Variants in DIO1 observed in about 807,000 individuals in gnomAD.
DIO1 encodes type I iodothyronine deiodinase.
DIO1 carries 17 observed loss-of-function variants against 25.9 expected under a neutral mutation model. That is an observed-to-expected ratio of 0.66 (90% CI 0.45 to 0.98). DIO1 has a LOEUF of 0.98. DIO1 is among the 50% of genes least tolerant of loss of function. DIO1 has a pLI of 0.00. For missense variants in DIO1, 270 were observed against 310.4 expected (o/e 0.87, Z 0.98); for synonymous variants, 115 against 114.0 (o/e 1.01, Z -0.05).
Position 53,905,183 on chromosome 1 carries a change from T to C in DIO1, c.481+374T>C, listed in dbSNP as rs112123535. Among the ~76,000 whole-genome samples the C allele has an allele frequency of 2.5e-3, 380 of 149,214 alleles. 2 individuals carry two copies. Among genetic ancestry groups the C allele is most frequent in the Middle Eastern group, 0.01 (3 of 292 alleles). ...TATGGCTATTTTTTTTTTTTTTTTT[T>C]TTTGAGATAGGGTCTTGTTCTGTCG... On this transcript the variant is annotated intron_variant, in intron 2 of 3. Coordinates refer to ENST00000361921, the MANE Select transcript of DIO1 (RefSeq NM_000792.7).
chr1:53,896,262 C>T (rs11206239), intron 1 of DIO1, among the ~76,000 whole-genome samples: 3,575 of 140,598 alleles, frequency 0.025, 157 homozygotes, highest in African/African-American at 0.092. Flanking sequence ...CTACTGCCCA[C>T]GCTGGAGTGT....
intron 3 of DIO1, among the ~76,000 whole-genome samples, chr1:53,908,217 G>A (rs142622199): frequency 0.019 from 2,897 of 149,292 alleles, 71 homozygotes; most frequent in African/African-American, 0.065. Context: ...GCGAGACTCC[G>A]TCTCAAAAAA....
Position 53,901,823 on chromosome 1 carries a change from C to T in DIO1, c.338-2843C>T, listed in dbSNP as rs373491220. Reference sequence around the variant, plus strand: ...ATCACTTGAGCCCAGAAGTTCAAGGCTGTAGTGTATTATGATGGCACCTGT... The same window carrying T: ...ATCACTTGAGCCCAGAAGTTCAAGGTTGTAGTGTATTATGATGGCACCTGT... On this transcript the variant is annotated intron_variant, in intron 1 of 3. Transcript: ENST00000361921. Among the ~76,000 whole-genome samples, 76 of 151,202 alleles carry T rather than the reference C, an allele frequency of 5.0e-4. 3 individuals carry two copies. The South Asian group carries it at 0.016, about 31-fold the overall frequency.
intron 1 of DIO1, among the ~76,000 whole-genome samples, chr1:53,900,437 C>T (rs551410288): frequency 6.6e-6 from 1 of 152,070 alleles, no homozygotes; most frequent in Non-Finnish European, 1.5e-5. Context: ...AACCCTGTCT[C>T]TACTAAAAAT....
At position 53,899,024 on chromosome 1, in the gene DIO1, G is replaced by A. The variant is rs559961535; in HGVS notation, c.337+4477G>A. On this transcript the variant is annotated intron_variant, in intron 1 of 3. Transcript: ENST00000361921. ...TCGTGCACTTGCTGCTACTGGATAC[G>A]ACAGCAGGAGCTCAGGGAAACTCTC... is the stretch of plus-strand genomic sequence containing the variant. 5.9e-5 allele frequency among the ~76,000 whole-genome samples: 9 copies of A among 152,294 alleles called. No homozygotes were observed. The East Asian group carries it at 1.7e-3, about 29-fold the overall frequency.
At chr1:53,906,661 T>C (rs1291698228) in intron 3 of DIO1, among the ~76,000 whole-genome samples, 1 of 146,364 alleles carries the variant, frequency 6.8e-6, no homozygotes, top group Non-Finnish European at 1.5e-5. Context: ...TTTCTTTCTT[T>C]CTTTTTTTTT....
intron 1 of DIO1, among the ~76,000 whole-genome samples, chr1:53,899,447 C>G (rs1467781178): frequency 6.6e-6 from 1 of 152,152 alleles, no homozygotes; most frequent in Non-Finnish European, 1.5e-5. Context: ...GGTGCCAGCC[C>G]CCATGCACCC....
At chr1:53,897,495 T>TATAAA (rs10635354) in intron 1 of DIO1, among the ~76,000 whole-genome samples, 27,349 of 151,286 alleles carry the variant, frequency 0.18, 2,506 homozygotes, top group South Asian at 0.25. Flanking sequence ...TAAAATAAAA[T>TATAAA]ATAAAATAAA....
intron 1 of DIO1, among the ~76,000 whole-genome samples, chr1:53,900,820 T>C (rs1177548276): frequency 2.0e-5 from 3 of 151,730 alleles, no homozygotes; most frequent in African/African-American, 7.3e-5. Context: ...ATTTTCTCTC[T>C]TTTTCTCTTA....
chr1:53,901,446 T>TTG (rs1651362052), intron 1 of DIO1, among the ~76,000 whole-genome samples: 1 of 152,190 alleles, frequency 6.6e-6, no homozygotes. Context: ...CCTGCTGTCA[T>TTG]TGTGGTTGCC....
At chr1:53,900,359 T>A (rs1651292284) in intron 1 of DIO1, among the ~76,000 whole-genome samples, 1 of 152,146 alleles carries the variant, frequency 6.6e-6, no homozygotes, top group African/African-American at 2.4e-5. Context: ...ATCCCAGCAC[T>A]TTGGGAGGCC....
chr1:53,902,658 G>GT (rs1651427885), intron 1 of DIO1, among the ~76,000 whole-genome samples: 1 of 151,730 alleles, frequency 6.6e-6, no homozygotes, highest in Non-Finnish European at 1.5e-5. Context: ...AGCTCTGGCC[G>GT]TAAGAAACCA....
chr1:53,907,114 C>T (rs1006780687), intron 3 of DIO1, among the ~76,000 whole-genome samples: 2 of 152,194 alleles, frequency 1.3e-5, no homozygotes, highest in East Asian at 1.9e-4. Flanking sequence ...CCAGGGCTGG[C>T]GGGGTAGAAG....
intron 3 of DIO1, among the ~76,000 whole-genome samples, chr1:53,907,640 A>C (rs11206243): frequency 6.6e-6 from 1 of 152,032 alleles, no homozygotes; most frequent in African/African-American, 2.4e-5. Context: ...AGCCGGGTGC[A>C]GTGGCTTACG....
chr1:53,903,764 G>A (rs1264742616), intron 1 of DIO1, among the ~76,000 whole-genome samples: 1 of 151,880 alleles, frequency 6.6e-6, no homozygotes, highest in African/African-American at 2.4e-5. Context: ...CAGGAGAATC[G>A]CTTGAACCCC....
At chr1:53,905,938 C>T (rs1651632602) in intron 2 of DIO1, among the ~76,000 whole-genome samples, 157 bp from the exon 3 acceptor site, 1 of 152,210 alleles carries the variant, frequency 6.6e-6, no homozygotes, top group African/African-American at 2.4e-5. Context: ...ATCACTAATT[C>T]CTGACGTGAC....
rs147857941 is a variant in DIO1 at position 53,894,357 on chromosome 1, T to A, written c.147T>A (p.Gly49=). The change falls in exon 1 of 4, where the codon GGT becomes GGA. Residue 49 remains glycine, a synonymous_variant. Coordinates refer to ENST00000361921, the MANE Select transcript of DIO1 (RefSeq NM_000792.7). This position sits in a 1 kb window ranked among gnomAD's most constrained non-coding sequence, Gnocchi z 4.9. ...TCCTGGCCATGGGCGAGAAGACGGG[T>A]ATGACCAGGAACCCCCATTTCAGCC... ...RNILAMGEKT[G]MTRNPHFSHD... 13 of 1,614,154 alleles carry A rather than the reference T, an allele frequency of 8.1e-6. No individual in the cohort carries two copies. The African/African-American group carries it at 1.7e-4, about 22-fold the overall frequency.
At position 53,904,657 on chromosome 1, in the gene DIO1, C is replaced by T; in HGVS notation, c.338-9C>T. On this transcript the variant is annotated splice_polypyrimidine_tract_variant and intron_variant, in intron 1 of 3. Transcript: ENST00000361921. ...GGGTCTCAGTTTGTGATGGTTGTTG[C>T]TGTTTCAGGTAATAGGCCACTGGTG... The T allele has an allele frequency of 6.2e-7, 1 of 1,610,420 alleles. No individual in the cohort carries two copies. The highest frequency in any genetic ancestry group is 8.5e-7 in the Non-Finnish European group (1 of 1,178,714).
chr1:53,898,053 G>A (rs980423124), intron 1 of DIO1, among the ~76,000 whole-genome samples: 2 of 152,150 alleles, frequency 1.3e-5, no homozygotes, highest in Non-Finnish European at 2.9e-5. Flanking sequence ...GTGAGAGATG[G>A]TGTCGTGACA....
Sources: allele counts gnomAD v4.1 joint callset (sites outside exome capture counted in the v4.1 genomes callset), GRCh38; gene constraint gnomAD v4.1.1; non-coding constraint Gnocchi (gnomAD v3.1); transcripts MANE v1.5; gene names NCBI Gene and HGNC (gene_info 2026-07-23, HGNC 2026-07-21).